RBFOX1: variants seen among roughly 807,000 people sequenced by gnomAD.
RBFOX1 encodes RNA binding protein fox-1 homolog 1.
RBFOX1 carries 8 observed loss-of-function variants against 57.7 expected under a neutral mutation model. The ratio of observed to expected loss-of-function variants is 0.14; its 90% confidence interval spans 0.08 to 0.25. The LOEUF (loss-of-function observed/expected upper bound fraction) is 0.25, where lower values mean the gene tolerates loss of function less well. RBFOX1 is among the 10% of genes least tolerant of loss of function. The pLI, the probability that RBFOX1 is intolerant of heterozygous loss-of-function variation, is 1.00. For synonymous variants in RBFOX1, 326 were observed against 222.4 expected, an observed-to-expected ratio of 1.47 and a Z score of -4.15; for missense variants, 611 against 548.5, an observed-to-expected ratio of 1.11 and a Z score of -1.14.
chr16:6,455,872 T>A (rs1435814536), intron 2 of RBFOX1, among the ~76,000 whole-genome samples: 1 of 152,176 alleles, frequency 6.6e-6, no homozygotes, highest in Non-Finnish European at 1.5e-5. Flanking sequence ...AATTACGTGG[T>A]GAGCCTAGTA....
At chr16:6,184,702 G>C (rs1013223534) in intron 1 of RBFOX1, among the ~76,000 whole-genome samples, 12 of 151,666 alleles carry the variant, frequency 7.9e-5, no homozygotes, top group African/African-American at 2.7e-4. Context: ...TGGGATTACA[G>C]GTGGCTGCCA....
At chr16:7,125,467 C>T (rs779306451) in intron 4 of RBFOX1, among the ~76,000 whole-genome samples, 7 of 152,118 alleles carry the variant, frequency 4.6e-5, no homozygotes, top group Non-Finnish European at 5.9e-5. Flanking sequence ...AAATTTCAAA[C>T]CTGTCGGATG....
intron 4 of RBFOX1, among the ~76,000 whole-genome samples, chr16:7,073,228 C>G (rs1179935871): frequency 2.0e-5 from 3 of 152,122 alleles, no homozygotes; most frequent in Non-Finnish European, 4.4e-5. Context: ...ATGATTAAAA[C>G]TTAATAATAT....
chr16:6,220,150 A>G (rs1302032635), intron 1 of RBFOX1, among the ~76,000 whole-genome samples: 3 of 152,078 alleles, frequency 2.0e-5, no homozygotes, highest in South Asian at 2.1e-4. Context: ...CGATATAGGT[A>G]TCTATATGTG....
chr16:6,939,404 T>C (rs2077945144), intron 3 of RBFOX1, among the ~76,000 whole-genome samples: 1 of 151,242 alleles, frequency 6.6e-6, no homozygotes. Flanking sequence ...TGTGTGTGTA[T>C]ATATATATAT....
At chr16:5,572,966 A>G (rs1406819834) in intron 2 of RBFOX1, among the ~76,000 whole-genome samples, 1 of 152,078 alleles carries the variant, frequency 6.6e-6, no homozygotes, top group African/African-American at 2.4e-5. Context: ...AAGGGTTTTC[A>G]GTGGAAGAAT....
intron 2 of RBFOX1, among the ~76,000 whole-genome samples, chr16:6,462,357 G>A (rs568621336): frequency 4.6e-5 from 7 of 152,042 alleles, no homozygotes; most frequent in Non-Finnish European, 8.8e-5. Context: ...CTCATCCTCC[G>A]CCTTTTATTC....
At chr16:6,875,971 C>G (rs759196047) in intron 3 of RBFOX1, among the ~76,000 whole-genome samples, 1 of 151,934 alleles carries the variant, frequency 6.6e-6, no homozygotes, top group African/African-American at 2.4e-5. Context: ...GCACTTCAGC[C>G]TGGGCAACAC....
chr16:7,655,232 A>G (rs2066007396), intron 12 of RBFOX1, among the ~76,000 whole-genome samples: 1 of 152,210 alleles, frequency 6.6e-6, no homozygotes, highest in Admixed American at 6.5e-5. Flanking sequence ...AGTTAATGGT[A>G]AAAAGAAATG....
intron 1 of RBFOX1, among the ~76,000 whole-genome samples, chr16:6,100,140 GTTTTTTTTGTTGTTGT>G (rs1002249688): frequency 4.6e-5 from 7 of 151,238 alleles, no homozygotes; most frequent in South Asian, 2.1e-4. Flanking sequence ...TTGCATTATT[GTTTTTTTTGTTGTTGT>G]TTTTTTTTGT....
At chr16:5,964,987 A>G (rs911151422) in intron 4 of RBFOX1, among the ~76,000 whole-genome samples, 2 of 152,162 alleles carry the variant, frequency 1.3e-5, no homozygotes, top group Non-Finnish European at 1.5e-5. Flanking sequence ...TTGTGACAAC[A>G]TGGATGATTC....
At chr16:6,654,523 C>G (rs1164840646) in intron 2 of RBFOX1, 80 bp from the exon 3 acceptor site, 2 of 1,147,392 alleles carry the variant, frequency 1.7e-6, no homozygotes, top group Non-Finnish European at 2.4e-6. Flanking sequence ...GGCATTTCAA[C>G]AACACCACTG....
At chr16:6,892,451 C>G (rs1416056159) in intron 3 of RBFOX1, among the ~76,000 whole-genome samples, 2 of 152,086 alleles carry the variant, frequency 1.3e-5, no homozygotes, top group Non-Finnish European at 2.9e-5. Flanking sequence ...GGGTGGATCC[C>G]TTGAGGTCAG....
chr16:5,784,418 G>C (rs28820714), intron 3 of RBFOX1, among the ~76,000 whole-genome samples: 52,807 of 151,306 alleles, frequency 0.35, 9,888 homozygotes, highest in East Asian at 0.55. Context: ...CAGAGCGAGA[G>C]TCCGTCTGAA....
intron 4 of RBFOX1, among the ~76,000 whole-genome samples, chr16:7,512,295 C>T (rs1162265304): frequency 6.6e-6 from 1 of 152,154 alleles, no homozygotes; most frequent in Non-Finnish European, 1.5e-5. Flanking sequence ...AAAAGGTGCC[C>T]TTAATGTCAG....
intron 4 of RBFOX1, among the ~76,000 whole-genome samples, chr16:7,200,197 A>G (rs2087970509): frequency 6.6e-6 from 1 of 152,208 alleles, no homozygotes; most frequent in Non-Finnish European, 1.5e-5. Flanking sequence ...GGAAGTAGTG[A>G]CTTTTAGAAA....
intron 3 of RBFOX1, among the ~76,000 whole-genome samples, chr16:6,752,635 C>G (rs955530922): frequency 2.0e-5 from 3 of 152,166 alleles, no homozygotes; most frequent in Admixed American, 6.6e-5. Flanking sequence ...AATGTTCTTC[C>G]ATTCCCCTGC....
chr16:6,566,752 C>T (rs367767662), intron 2 of RBFOX1, among the ~76,000 whole-genome samples: 9 of 152,252 alleles, frequency 5.9e-5, no homozygotes, highest in Admixed American at 3.9e-4. Context: ...GAAACAGGAT[C>T]TGTGTTTGAC....
intron 2 of RBFOX1, among the ~76,000 whole-genome samples, chr16:6,429,382 CA>C (rs1437138260): frequency 6.6e-6 from 1 of 152,162 alleles, no homozygotes; most frequent in Admixed American, 6.5e-5. Context: ...AGAATAACAA[CA>C]GTTGTCAGAA....
Sources: gnomAD v4.1 joint callset for allele counts (sites outside exome capture counted in the v4.1 genomes callset) on GRCh38, gnomAD v4.1.1 for gene constraint, MANE v1.5 for transcripts, NCBI Gene and HGNC (gene_info 2026-07-23, HGNC 2026-07-21) for gene names.